MCF2L: variants seen among roughly 807,000 people sequenced by gnomAD.
The protein encoded by MCF2L is guanine nucleotide exchange factor DBS.
In MCF2L, 97 loss-of-function variants were observed where a neutral mutation model predicts 153.4. The ratio of observed to expected loss-of-function variants is 0.63; its 90% CI spans 0.54 to 0.75. The LOEUF (loss-of-function observed/expected upper bound fraction) is 0.75. Ranked by LOEUF, MCF2L falls within the 30% of genes least tolerant of loss-of-function variation. The pLI, the probability that MCF2L is intolerant of heterozygous loss-of-function variation, is 0.00. For missense variants in MCF2L, 1,347 were observed against 1,495.2 expected (o/e 0.90, Z 1.64); for synonymous variants, 659 against 632.2 (o/e 1.04, Z -0.64).
chr13:113,021,824 G>A (rs893766611), intron 2 of MCF2L, among the ~76,000 whole-genome samples: 2 of 152,060 alleles, frequency 1.3e-5, no homozygotes, highest in Admixed American at 6.5e-5. Flanking sequence ...CCTGACTTGG[G>A]AAGAAAGAAC....
Position 112,932,937 on chromosome 13 carries a change from A to G in MCF2L, c.169+30566A>G, listed in dbSNP as rs1296122526. Among the ~76,000 whole-genome samples, 1 of 152,218 alleles carries G rather than the reference A, an allele frequency of 6.6e-6. No individual in the cohort carries two copies. Among genetic ancestry groups the G allele is most frequent in the African/African-American group, 2.4e-5 (1 of 41,458 alleles). ...TCCCAGCTACCCAGGAGGCTGAGAC[A>G]GGAGAATTGCTTGAACGCAGGAGGT... On this transcript the variant is annotated intron_variant, in intron 2 of 29. Coordinates refer to the MCF2L transcript ENST00000375608. This position sits in a 1 kb window ranked among gnomAD's most constrained non-coding sequence, Gnocchi z 4.6.
chr13:113,008,736 C>T (rs138764367), intron 1 of MCF2L: 2 of 152,354 alleles, frequency 1.3e-5, no homozygotes, highest in Non-Finnish European at 2.9e-5. Flanking sequence ...CCTCTGTCTC[C>T]TGTTTTCTCC....
At chr13:113,017,004 C>T (rs928425204) in intron 2 of MCF2L, among the ~76,000 whole-genome samples, 59 of 152,218 alleles carry the variant, frequency 3.9e-4, no homozygotes, top group Non-Finnish European at 8.8e-5. Flanking sequence ...TGGCACACCA[C>T]GCTGTTCTCA....
chr13:113,008,822 T>A (rs1214185244), intron 1 of MCF2L: 2 of 152,248 alleles, frequency 1.3e-5, no homozygotes, highest in African/African-American at 4.8e-5. Flanking sequence ...TGTTGGGGTC[T>A]AGGCAGGAGC....
upstream of MCF2L, chr13:112,968,339 T>G: frequency 1.5e-6 from 2 of 1,300,362 alleles, no homozygotes; most frequent in South Asian, 1.5e-5. Flanking sequence ...CGAGGAGAGC[T>G]CAGAGAGTTT....
At chr13:112,994,943 CTGCGTCCGTG>C (rs2083061517) in intron 1 of MCF2L, among the ~76,000 whole-genome samples, 1 of 152,260 alleles carries the variant, frequency 6.6e-6, no homozygotes. Flanking sequence ...GGAACAACGC[CTGCGTCCGTG>C]TGCACCGGGC....
At chr13:113,087,096 C>G in intron 21 of MCF2L, 139 bp from the exon 22 acceptor site, 2 of 690,922 alleles carry the variant, frequency 2.9e-6, no homozygotes, top group Non-Finnish European at 4.8e-6. Context: ...TCTCCACGAG[C>G]TTGCCTTTCC....
intron 2 of MCF2L, among the ~76,000 whole-genome samples, chr13:112,924,267 G>T (rs531698482): frequency 6.6e-6 from 1 of 151,964 alleles, no homozygotes; most frequent in East Asian, 1.9e-4. Context: ...CACGCAGCTG[G>T]GCTACAGAGA....
At chr13:113,032,951 G>A (rs1206127121) in intron 3 of MCF2L, among the ~76,000 whole-genome samples, 1 of 151,988 alleles carries the variant, frequency 6.6e-6, no homozygotes, top group African/African-American at 2.4e-5. Context: ...CGTGACGTGA[G>A]TGGACCCCGT....
At chr13:113,047,650 C>G (rs1433422610) in intron 4 of MCF2L, among the ~76,000 whole-genome samples, 1 of 152,226 alleles carries the variant, frequency 6.6e-6, no homozygotes, top group Non-Finnish European at 1.5e-5. Flanking sequence ...CCTGCCAGGG[C>G]ACTTGCGGTG....
At chr13:113,038,979 T>C (rs2141456567) in intron 3 of MCF2L, among the ~76,000 whole-genome samples, 1 of 152,314 alleles carries the variant, frequency 6.6e-6, no homozygotes, top group East Asian at 1.9e-4. Flanking sequence ...TGCCTTAGCC[T>C]CCCGCATAGC....
At position 113,074,928 on chromosome 13, in the gene MCF2L, C is replaced by G. The variant is rs955205466; in HGVS notation, c.1117-70C>G. ...CACGTGTGCCCCGGGACACACATCC[C>G]GTACAGCAAGGCACTGTGTGCCTCG... On this transcript the variant is annotated intron_variant, in intron 10 of 29. Coordinates refer to ENST00000535094, the MANE Select transcript of MCF2L (RefSeq NM_001112732.3). The surrounding 1 kb of genome is among the most constrained non-coding windows in gnomAD (Gnocchi z 4.2). 2 of 1,381,134 alleles carry G rather than the reference C, an allele frequency of 1.4e-6. No individual in the cohort carries two copies. Among genetic ancestry groups the G allele is most frequent in the African/African-American group, 1.4e-5 (1 of 69,798 alleles). The allele number at this position is 1,381,134 out of a possible 1,614,324, so 85.6% of individuals were successfully genotyped here. A position where few individuals can be genotyped will look rare whatever the true frequency, so the allele number is the denominator to read the frequency against.
At chr13:113,058,434 AGTGCTGTGTGTTTGG>A (rs1433014977) in intron 4 of MCF2L, among the ~76,000 whole-genome samples, 44 of 74,756 alleles carry the variant, frequency 5.9e-4, no homozygotes, top group African/African-American at 2.1e-3. Flanking sequence ...TGTGTGTTTG[AGTGCTGTGTGTTTGG>A]GTGCTGAGTG....
At chr13:113,069,842 C>A (rs951226490) in intron 8 of MCF2L, among the ~76,000 whole-genome samples, 6 of 152,224 alleles carry the variant, frequency 3.9e-5, no homozygotes, top group African/African-American at 7.2e-5. Context: ...AAGGACACAG[C>A]CCCTGATGCT....
chr13:113,075,052 A>T lies in MCF2L; in HGVS notation c.1171A>T (p.Asn391Tyr). The change falls in exon 11 of 30, where the codon AAC becomes TAC. Residue 391 changes from asparagine to tyrosine, a missense_variant. This residue lies in a region of MCF2L where 820 missense variants were observed against 921.2 expected (regional missense o/e 0.89). Transcript: ENST00000535094. ...LSLDGEQLIG[N>Y]KHYAVDSIRP... ...TCTGGACGGCGAGCAGCTCATTGGG[A>T]ACAAGCACTACGCGGTAGACTCCAT... 6.2e-7 allele frequency: 1 copy of T among 1,613,416 alleles called. No individual in the cohort carries two copies. The highest frequency in any genetic ancestry group is 8.5e-7 in the Non-Finnish European group (1 of 1,179,686).
intron 7 of MCF2L, 37 bp downstream of exon 7, chr13:113,065,122 G>A (rs774251491): frequency 3.2e-6 from 5 of 1,576,896 alleles, no homozygotes; most frequent in African/African-American, 2.8e-5. Context: ...GCTGTGGGGG[G>A]CTCCGGTCAG....
intron 1 of MCF2L, chr13:113,001,592 G>C: frequency 1.1e-6 from 1 of 869,644 alleles, no homozygotes; most frequent in Non-Finnish European, 1.5e-6. Context: ...CCCCTGCAGG[G>C]AGGGTCTAGA....
At chr13:113,090,869 C>G (rs2035137197) in intron 26 of MCF2L, 1 of 1,160,646 alleles carries the variant, frequency 8.6e-7, no homozygotes, top group African/African-American at 1.6e-5. Flanking sequence ...GAAAACGTCC[C>G]TAGAGACGGG....
intron 2 of MCF2L, among the ~76,000 whole-genome samples, chr13:112,942,274 G>A (rs2081583257): frequency 6.6e-6 from 1 of 152,224 alleles, no homozygotes; most frequent in Non-Finnish European, 1.5e-5. Flanking sequence ...TCTCTGATAA[G>A]CAGAAATAAT....
Sources: gnomAD v4.1 joint callset for allele counts (sites outside exome capture counted in the v4.1 genomes callset) on GRCh38, gnomAD v4.1.1 for gene constraint, gnomAD v4.1.1 regional missense constraint, Gnocchi (gnomAD v3.1) non-coding constraint, MANE v1.5 for transcripts, NCBI Gene and HGNC (gene_info 2026-07-23, HGNC 2026-07-21) for gene names.